ERC1: variants seen among roughly 807,000 people sequenced by gnomAD.
The protein encoded by ERC1 is RAB6 interacting protein 2.
In ERC1, 56 loss-of-function variants were observed where a neutral mutation model predicts 132.0. The ratio of observed to expected loss-of-function variants is 0.42; its 90% CI spans 0.34 to 0.53. The LOEUF is 0.53. ERC1 is among the 20% of genes least tolerant of loss of function. The pLI is 0.03. For missense variants in ERC1, 1,202 were observed against 1,349.9 expected (o/e 0.89, Z 1.72); for synonymous variants, 478 against 476.1 (o/e 1.00, Z -0.05).
chr12:1,439,716 A>G (rs1327276128), intron 17 of ERC1, among the ~76,000 whole-genome samples: 1 of 152,216 alleles, frequency 6.6e-6, no homozygotes, highest in Non-Finnish European at 1.5e-5. Flanking sequence ...GATGATTTTT[A>G]GTAGGACCCC....
intron 12 of ERC1, among the ~76,000 whole-genome samples, chr12:1,232,421 G>A (rs1369282271): frequency 6.6e-6 from 1 of 152,160 alleles, no homozygotes; most frequent in Non-Finnish European, 1.5e-5. Flanking sequence ...CTCCTGTTGG[G>A]ACCTTGGTAA....
At chr12:1,263,000 A>G in intron 13 of ERC1, 34 bp from the exon 14 acceptor site, 4 of 1,609,544 alleles carry the variant, frequency 2.5e-6, no homozygotes, top group Non-Finnish European at 3.4e-6. Flanking sequence ...TTAAGTAATT[A>G]ATCCACTTCA....
intron 6 of ERC1, among the ~76,000 whole-genome samples, chr12:1,114,640 CCA>C (rs1209609093): frequency 6.6e-6 from 1 of 152,136 alleles, no homozygotes; most frequent in Non-Finnish European, 1.5e-5. Flanking sequence ...ATAAAAGACT[CCA>C]CGTTGTTACA....
chr12:1,260,081 T>C (rs569546246), intron 13 of ERC1, among the ~76,000 whole-genome samples: 1 of 152,316 alleles, frequency 6.6e-6, no homozygotes, highest in African/African-American at 2.4e-5. Flanking sequence ...TTTCCAGGTT[T>C]ACCTCTTCAT....
chr12:1,236,742 G>T (rs370162044), intron 12 of ERC1, 27 bp from the exon 13 acceptor site: 1 of 1,606,908 alleles, frequency 6.2e-7, no homozygotes, highest in South Asian at 1.1e-5. Flanking sequence ...CATATGCAAA[G>T]CTTGATTTTT....
chr12:1,353,116 C>T (rs59141976), intron 15 of ERC1, among the ~76,000 whole-genome samples: 66,482 of 150,112 alleles, frequency 0.44, 15,403 homozygotes, highest in African/African-American at 0.56. Context: ...CTGCAAGCTC[C>T]GCCTCCCGGG....
chr12:1,210,014 G>T (rs897359792), intron 12 of ERC1, among the ~76,000 whole-genome samples: 16 of 152,178 alleles, frequency 1.1e-4, no homozygotes, highest in Non-Finnish European at 1.9e-4. Flanking sequence ...CAGGATGTTA[G>T]AGCAAAAGCA....
At chr12:1,035,750 G>T (rs576043537) in intron 2 of ERC1, among the ~76,000 whole-genome samples, 1 of 151,810 alleles carries the variant, frequency 6.6e-6, no homozygotes, top group Non-Finnish European at 1.5e-5. Context: ...GTGAAACCCC[G>T]TCTCTACTAA....
chr12:1,389,194 A>G (rs571332539), intron 16 of ERC1, among the ~76,000 whole-genome samples: 1 of 152,332 alleles, frequency 6.6e-6, no homozygotes, highest in East Asian at 1.9e-4. Context: ...TATGGAAGAG[A>G]ATATAACATG....
At chr12:1,480,007 C>T (rs1289095007) in intron 18 of ERC1, among the ~76,000 whole-genome samples, 1 of 152,050 alleles carries the variant, frequency 6.6e-6, no homozygotes, top group Non-Finnish European at 1.5e-5. Flanking sequence ...TTTTCTCTAC[C>T]GAAGGTGTAT....
In ERC1 at chr12:1,382,657, A is replaced by G. The variant is rs981152092; in HGVS notation, c.2925+10680A>G. 2.0e-5 allele frequency among the ~76,000 whole-genome samples: 3 copies of G among 152,250 alleles called. No homozygotes were observed. In the East Asian group the frequency reaches 5.8e-4, roughly 29 times the overall value. ...ATGATTTTAAAGTCTAAAATTCATT[A>G]TTTTCTGTATTTTGATAAATCAACA... On this transcript the variant is annotated intron_variant, in intron 16 of 18. Transcript: ENST00000360905.
At chr12:1,394,721 C>G (rs1420265692) in intron 16 of ERC1, among the ~76,000 whole-genome samples, 4 of 152,226 alleles carry the variant, frequency 2.6e-5, no homozygotes. Flanking sequence ...TCCCTTTCAC[C>G]TTCCGCCATG....
In ERC1 at chr12:1,493,548, A is replaced by AAAAAAAAAAAAATATATATAT. The variant is rs56939346; in HGVS notation, c.*3319_*3320insAAAAAAAAAAATATATATATA. On this transcript the variant is annotated 3_prime_UTR_variant, in exon 19 of 19. Transcript: ENST00000360905. Reference sequence around the variant, plus strand: ...ACTCCATTTAAAAAAAAAAAAAAAAAATATATATATATATATATATATATA... The same window carrying AAAAAAAAAAAAATATATATAT: ...ACTCCATTTAAAAAAAAAAAAAAAAAAAAAAAAAAAAATATATATATATATATATATATATATATATATATA... 1 of 13,618 alleles carries AAAAAAAAAAAAATATATATAT rather than the reference A, an allele frequency of 7.3e-5. No homozygotes were observed. The highest frequency in any genetic ancestry group is 2.2e-4 in the African/African-American group (1 of 4,554). 0.8% of individuals were successfully genotyped at this position (13,618 alleles called of 1,614,324 possible).
chr12:1,398,724 G>A (rs1040215828), intron 16 of ERC1, among the ~76,000 whole-genome samples: 2 of 152,096 alleles, frequency 1.3e-5, no homozygotes, highest in African/African-American at 4.8e-5. Context: ...TTCTGGAACT[G>A]GGAAGTCTAA....
At chr12:1,159,679 T>C (rs891907625) in intron 8 of ERC1, among the ~76,000 whole-genome samples, 3 of 152,222 alleles carry the variant, frequency 2.0e-5, no homozygotes, top group African/African-American at 4.8e-5. Context: ...ATTGTTCTTA[T>C]TTGCTTTGGT....
intron 8 of ERC1, among the ~76,000 whole-genome samples, chr12:1,160,509 T>C (rs560900061): frequency 2.4e-4 from 37 of 151,834 alleles, no homozygotes; most frequent in Non-Finnish European, 4.6e-4. Flanking sequence ...CTGAGGAGGG[T>C]GGATCACCTG....
chr12:1,232,122 T>C (rs2075087760), intron 12 of ERC1, among the ~76,000 whole-genome samples: 1 of 152,196 alleles, frequency 6.6e-6, no homozygotes, highest in South Asian at 2.1e-4. Flanking sequence ...CCTCCTGATC[T>C]GCAAGGTTTC....
At chr12:1,473,629 CAAAAAA>C (rs34619342) in intron 18 of ERC1, among the ~76,000 whole-genome samples, 1 of 92,646 alleles carries the variant, frequency 1.1e-5, no homozygotes. Flanking sequence ...GACTCTATCT[CAAAAAA>C]AAAAAAAAAA....
intron 15 of ERC1, among the ~76,000 whole-genome samples, chr12:1,341,065 T>TTTTC (rs1199034983): frequency 3.1e-5 from 3 of 95,508 alleles, no homozygotes; most frequent in Admixed American, 1.2e-4. Context: ...ATTCTTTTCT[T>TTTTC]TTTCTTTTTT....
Sources: gnomAD v4.1 joint callset for allele counts (sites outside exome capture counted in the v4.1 genomes callset) on GRCh38, gnomAD v4.1.1 for gene constraint, MANE v1.5 for transcripts, NCBI Gene and HGNC (gene_info 2026-07-23, HGNC 2026-07-21) for gene names.